RBSN: variants seen among roughly 807,000 people sequenced by gnomAD.
The protein encoded by RBSN is rabenosyn, RAB effector, also known as rabenosyn-5.
In RBSN, 34 loss-of-function variants were observed where a neutral mutation model predicts 60.5. The observed-to-expected ratio is 0.56, with a 90% CI of 0.43 to 0.75. The LOEUF is 0.75. Among genes scored for constraint, RBSN ranks in the 30% least tolerant of loss-of-function variants. The probability of loss-of-function intolerance (pLI) is 0.00; values close to 1 mark genes in which losing one functional copy is unlikely to be tolerated. For missense variants in RBSN, 845 were observed against 986.8 expected, an observed-to-expected ratio of 0.86 and a Z score of 1.92; for synonymous variants, 322 against 366.9, an observed-to-expected ratio of 0.88 and a Z score of 1.40.
chr3:15,090,582 AC>A (rs2125179723), intron 4 of RBSN, 43 bp from the exon 5 acceptor site: 1 of 1,577,698 alleles, frequency 6.3e-7, no homozygotes, highest in African/African-American at 1.4e-5. Context: ...CATGAAGAAC[AC>A]CCAGTAAACA....
At chr3:15,092,491 C>T (rs1202767764) in intron 4 of RBSN, among the ~76,000 whole-genome samples, 1 of 152,160 alleles carries the variant, frequency 6.6e-6, no homozygotes, top group Non-Finnish European at 1.5e-5. Context: ...ACTGCAACCT[C>T]TGCCTTCCAG....
chr3:15,088,328 TG>T (rs747861388), intron 5 of RBSN, among the ~76,000 whole-genome samples: 37 of 152,064 alleles, frequency 2.4e-4, no homozygotes, highest in Admixed American at 7.9e-4. Flanking sequence ...TTCTCCTTCA[TG>T]TTTTGGATTG....
chr3:15,083,759 T>C (rs149859106), intron 8 of RBSN, among the ~76,000 whole-genome samples: 7 of 152,292 alleles, frequency 4.6e-5, no homozygotes, highest in Non-Finnish European at 1.0e-4. Context: ...TAGTCTTTTC[T>C]ATATGGCAGT....
chr3:15,093,088 C>T (rs1384553545), intron 4 of RBSN, among the ~76,000 whole-genome samples: 1 of 152,192 alleles, frequency 6.6e-6, no homozygotes, highest in Non-Finnish European at 1.5e-5. Flanking sequence ...AATGACTAAT[C>T]TATCTTTTCT....
intron 12 of RBSN, among the ~76,000 whole-genome samples, chr3:15,076,084 GTTGT>G (rs973159829): frequency 1.5e-4 from 23 of 152,032 alleles, no homozygotes; most frequent in African/African-American, 5.5e-4. Flanking sequence ...AGATATTTTA[GTTGT>G]TTATGATCTC....
Position 15,082,374 on chromosome 3 carries a change from A to G in RBSN, c.833T>C (p.Leu278Pro). ...CCAGACAGCGCGAATCACCTCGTAGAGCTTCACGATGTCAGGTGTGTGCTC... is the reference window on the plus strand; with the variant it reads ...CCAGACAGCGCGAATCACCTCGTAGGGCTTCACGATGTCAGGTGTGTGCTC... ...EKEHTPDIVK[L>P]YEKLRLCMEK... The change falls in exon 9 of 14, where the codon CTC becomes CCC. Residue 278 changes from leucine (L) to proline (P), a missense_variant. Transcript: ENST00000253699. The surrounding 1 kb of genome is among the most constrained non-coding windows in gnomAD (Gnocchi z 4.2). 2 of 1,612,368 alleles carry G rather than the reference A, an allele frequency of 1.2e-6. No homozygotes were observed. Among genetic ancestry groups the G allele is most frequent in the Non-Finnish European group, 1.7e-6 (2 of 1,178,440 alleles).
chr3:15,095,976 T>A lies in RBSN; in HGVS notation c.145A>T (p.Lys49Ter). The change falls in exon 4 of 14, where the codon AAA becomes TAA. Residue 49 changes from lysine (K) to a stop codon, truncating the protein, a stop_gained. Coordinates refer to ENST00000253699, the MANE Select transcript of RBSN (RefSeq NM_022340.4). LOFTEE classifies it high-confidence loss of function. Reference sequence around the variant, plus strand: ...AGGCAAGGTCCTCGCCTCTTACTTTTAATTTGCCCTTTGACATCACGGTCT... The same window carrying A: ...AGGCAAGGTCCTCGCCTCTTACTTTAAATTTGCCCTTTGACATCACGGTCT... ...GEDRDVKGQIKSLVQKAKKAK... is the reference protein window; with the variant it reads ...GEDRDVKGQI 6.2e-7 allele frequency: 1 copy of A among 1,614,256 alleles called. No homozygotes were observed. Among genetic ancestry groups the A allele is most frequent in the Non-Finnish European group, 8.5e-7 (1 of 1,180,044 alleles).
chr3:15,092,716 G>C (rs2043549417), intron 4 of RBSN, among the ~76,000 whole-genome samples: 1 of 152,168 alleles, frequency 6.6e-6, no homozygotes, highest in South Asian at 2.1e-4. Context: ...CTGGCCTAAA[G>C]CAGTCTTTTC....
At chr3:15,078,182 C>G in intron 10 of RBSN, 21 bp from the exon 11 acceptor site, 1 of 1,609,312 alleles carries the variant, frequency 6.2e-7, no homozygotes, top group Non-Finnish European at 8.5e-7. Flanking sequence ...ACCAGAGACA[C>G]GTGACCTAAG....
At chr3:15,092,392 GT>G (rs1000205124) in intron 4 of RBSN, among the ~76,000 whole-genome samples, 5 of 151,096 alleles carry the variant, frequency 3.3e-5, no homozygotes, top group Admixed American at 6.6e-5. Flanking sequence ...ACTAAAGTGG[GT>G]TTTTTTTGTT....
chr3:15,090,646 A>T (rs1343141878), intron 4 of RBSN, 107 bp from the exon 5 acceptor site: 2 of 1,452,846 alleles, frequency 1.4e-6, no homozygotes, highest in Admixed American at 4.8e-5. Flanking sequence ...TCGTTTGTTT[A>T]AAAATGCACC....
intron 12 of RBSN, 72 bp downstream of exon 12, chr3:15,076,990 A>G (rs1427218416): frequency 7.8e-7 from 1 of 1,286,788 alleles, no homozygotes; most frequent in African/African-American, 1.5e-5. Flanking sequence ...ATTGGCATGG[A>G]TCTGCCTCCT....
At chr3:15,091,281 G>T (rs1575106432) in intron 4 of RBSN, 5 of 781,730 alleles carry the variant, frequency 6.4e-6, no homozygotes, top group Admixed American at 7.8e-5. Flanking sequence ...TAAAAAACAA[G>T]TTCTATAGTA....
intron 4 of RBSN, among the ~76,000 whole-genome samples, chr3:15,095,030 G>T (rs1184287911): frequency 6.6e-6 from 1 of 150,754 alleles, no homozygotes; most frequent in East Asian, 2.0e-4. Flanking sequence ...GTGTTTGTGT[G>T]TGTGTGTGTC....
chr3:15,090,022 T>C (rs1426142919), intron 5 of RBSN, among the ~76,000 whole-genome samples: 1 of 152,208 alleles, frequency 6.6e-6, no homozygotes, highest in Non-Finnish European at 1.5e-5. Flanking sequence ...AACCAGTGCC[T>C]GTCACTGGGC....
chr3:15,092,886 C>T (rs1433042744), intron 4 of RBSN, among the ~76,000 whole-genome samples: 1 of 152,190 alleles, frequency 6.6e-6, no homozygotes, highest in Non-Finnish European at 1.5e-5. Context: ...AGAAAAACTG[C>T]CTGGCAATGT....
At chr3:15,076,133 G>A (rs1349462285) in intron 12 of RBSN, among the ~76,000 whole-genome samples, 1 of 151,968 alleles carries the variant, frequency 6.6e-6, no homozygotes, top group African/African-American at 2.4e-5. Flanking sequence ...AATGAGAACA[G>A]GAACGTTGGT....
chr3:15,089,479 A>AAAAAAAAAAC (rs2043447043), intron 5 of RBSN, among the ~76,000 whole-genome samples: 13 of 104,032 alleles, frequency 1.2e-4, no homozygotes, highest in Non-Finnish European at 1.7e-4. Context: ...AAAAAAAAAC[A>AAAAAAAAAAC]AAAAAAAAAA....
chr3:15,082,751 G>A lies in RBSN; in HGVS notation c.599-143C>T, dbSNP rs2043238506. The A allele has an allele frequency of 8.2e-7, 1 of 1,224,816 alleles. No individual in the cohort carries two copies. Among genetic ancestry groups the A allele is most frequent in the East Asian group, 2.6e-5 (1 of 38,822 alleles). The allele number at this position is 1,224,816 out of a possible 1,614,324, so 75.9% of individuals were successfully genotyped here. On this transcript the variant is annotated intron_variant, in intron 8 of 13. Transcript: ENST00000253699. This position sits in a 1 kb window ranked among gnomAD's most constrained non-coding sequence, Gnocchi z 4.2. ...AGCTGTGGGCACGTACTGCCCCTCTGCCTTCCTGGTGTCAGACTCTGGTGA... is the reference window on the plus strand; with the variant it reads ...AGCTGTGGGCACGTACTGCCCCTCTACCTTCCTGGTGTCAGACTCTGGTGA...
Sources: gnomAD v4.1 joint callset for allele counts (sites outside exome capture counted in the v4.1 genomes callset) on GRCh38, gnomAD v4.1.1 for gene constraint, Gnocchi (gnomAD v3.1) non-coding constraint, MANE v1.5 for transcripts, NCBI Gene and HGNC (gene_info 2026-07-23, HGNC 2026-07-21) for gene names.